CSGALNACT1: variants seen among roughly 807,000 people sequenced by gnomAD.
CSGALNACT1 encodes the protein chondroitin sulfate N-acetylgalactosaminyltransferase 1, also known as beta4GalNAcT-1.
CSGALNACT1 carries 52 observed loss-of-function variants against 51.0 expected under a neutral mutation model. That is an observed-to-expected ratio of 1.02 (90% CI 0.82 to 1.29). CSGALNACT1 has a LOEUF of 1.29. Among genes scored for constraint, CSGALNACT1 ranks in the 50% most tolerant of loss-of-function variants. The pLI is 0.00. For synonymous variants in CSGALNACT1, 341 were observed against 254.4 expected (o/e 1.34, Z -3.24); for missense variants, 935 against 679.2 (o/e 1.38, Z -4.19).
intron 3 of CSGALNACT1, among the ~76,000 whole-genome samples, chr8:19,508,736 T>C (rs2077850992): frequency 6.6e-6 from 1 of 152,250 alleles, no homozygotes; most frequent in African/African-American, 2.4e-5. Context: ...CATTTTGTTG[T>C]GTTGTGGAAA....
At chr8:19,444,846 G>A (rs890551825) in intron 5 of CSGALNACT1, among the ~76,000 whole-genome samples, 8 of 152,192 alleles carry the variant, frequency 5.3e-5, no homozygotes, top group African/African-American at 1.9e-4. Context: ...AGCAAATGCT[G>A]TGGGGTGGAA....
intron 4 of CSGALNACT1, among the ~76,000 whole-genome samples, chr8:19,504,129 T>C (rs755670556): frequency 6.6e-5 from 10 of 152,168 alleles, no homozygotes; most frequent in Non-Finnish European, 1.3e-4. Flanking sequence ...CAGGCTGGAG[T>C]GCAGTGGTGT....
exon 10 of CSGALNACT1, chr8:19,404,490 C>A (rs908132467): frequency 4.4e-6 from 2 of 453,476 alleles, no homozygotes; most frequent in Non-Finnish European, 4.4e-6. Context: ...TCTTGGTGAT[C>A]GAGTAGAACT....
chr8:19,692,344 A>G lies in CSGALNACT1; in HGVS notation c.-297+65506T>C, dbSNP rs191360488. On this transcript the variant is annotated intron_variant, in intron 1 of 1. Transcript: ENST00000517494. Reference sequence around the variant, plus strand: ...CCTTCAGGTGCTTCTAATTCACACTAAAGTTGGAGAACCACTGAGCTACTG... The same window carrying G: ...CCTTCAGGTGCTTCTAATTCACACTGAAGTTGGAGAACCACTGAGCTACTG... Among the ~76,000 whole-genome samples the G allele has an allele frequency of 5.2e-3, 787 of 152,300 alleles. 9 individuals are homozygous for G. The highest frequency in any genetic ancestry group is 0.018 in the African/African-American group (745 of 41,548).
intron 3 of CSGALNACT1, among the ~76,000 whole-genome samples, chr8:19,563,744 C>T (rs2041306478): frequency 6.6e-6 from 1 of 152,168 alleles, no homozygotes; most frequent in African/African-American, 2.4e-5. Context: ...GATCCAGCCT[C>T]CTAACACAAG....
In CSGALNACT1 at chr8:19,461,827, A is replaced by G. The variant is rs573965751; in HGVS notation, c.635-3185T>C. Reference sequence around the variant, plus strand: ...TATCCCCACAGCAGCCACATTAGCCATGGAGGGTGTATCTGCACAGCAGCC... The same window carrying G: ...TATCCCCACAGCAGCCACATTAGCCGTGGAGGGTGTATCTGCACAGCAGCC... On this transcript the variant is annotated intron_variant, in intron 4 of 9. Coordinates refer to ENST00000454498, the Ensembl canonical transcript of CSGALNACT1. Among the ~76,000 whole-genome samples the G allele has an allele frequency of 1.7e-4, 10 of 57,284 alleles. 2 individuals carry two copies. Among genetic ancestry groups the G allele is most frequent in the Non-Finnish European group, 2.3e-4 (5 of 22,216 alleles). 37.6% of individuals were successfully genotyped at this position (57,284 alleles called of 152,430 possible).
At chr8:19,517,140 G>A (rs991667683) in intron 3 of CSGALNACT1, among the ~76,000 whole-genome samples, 3 of 152,116 alleles carry the variant, frequency 2.0e-5, no homozygotes, top group African/African-American at 7.2e-5. Flanking sequence ...AATGTTCTTT[G>A]AAAGAAGAAA....
chr8:19,438,117 T>C (rs139211648), intron 6 of CSGALNACT1, among the ~76,000 whole-genome samples: 20 of 145,276 alleles, frequency 1.4e-4, no homozygotes, highest in Non-Finnish European at 2.4e-4. Context: ...GCCATACCCA[T>C]AGGAAGGAGG....
intron 5 of CSGALNACT1, among the ~76,000 whole-genome samples, chr8:19,447,018 T>G (rs1210932971): frequency 6.6e-6 from 1 of 152,172 alleles, no homozygotes; most frequent in Non-Finnish European, 1.5e-5. Context: ...ACACCTATAT[T>G]TCTGTTTCCC....
intron 4 of CSGALNACT1, among the ~76,000 whole-genome samples, chr8:19,489,118 G>C (rs1418552455): frequency 6.6e-6 from 1 of 152,162 alleles, no homozygotes; most frequent in African/African-American, 2.4e-5. Context: ...AGCATAGTGT[G>C]AGTCCCTAGT....
chr8:19,407,905 T>TTGTGTGTGTGTGTGTGTGTG (rs60746708), intron 9 of CSGALNACT1, among the ~76,000 whole-genome samples: 2 of 112,722 alleles, frequency 1.8e-5, no homozygotes, highest in African/African-American at 6.3e-5. Flanking sequence ...TGTATATGAA[T>TTGTGTGTGTGTGTGTGTGTG]TGTGTGTGTG....
chr8:19,556,869 C>A (rs115996560), intron 3 of CSGALNACT1, among the ~76,000 whole-genome samples: 1,602 of 151,636 alleles, frequency 0.011, 22 homozygotes, highest in African/African-American at 0.035. Context: ...AAATTGAACC[C>A]GGTGTAGACA....
intron 3 of CSGALNACT1, among the ~76,000 whole-genome samples, chr8:19,563,464 C>G (rs2041236526): frequency 6.6e-6 from 1 of 152,188 alleles, no homozygotes; most frequent in South Asian, 2.1e-4. Flanking sequence ...TTATTTTCAG[C>G]AGAGACAACT....
intron 1 of CSGALNACT1, among the ~76,000 whole-genome samples, chr8:19,677,886 A>G (rs759182940): frequency 2.0e-5 from 3 of 152,188 alleles, no homozygotes; most frequent in South Asian, 2.1e-4. Context: ...AATTGTCTGA[A>G]AAACAATTAG....
chr8:19,677,322 G>A (rs532499909), intron 1 of CSGALNACT1, among the ~76,000 whole-genome samples: 1 of 152,134 alleles, frequency 6.6e-6, no homozygotes, highest in Admixed American at 6.5e-5. Context: ...TGTTGGCTAG[G>A]CTGGTCTTGA....
chr8:19,555,275 G>T (rs1338475998), intron 3 of CSGALNACT1, among the ~76,000 whole-genome samples: 3 of 151,930 alleles, frequency 2.0e-5, no homozygotes, highest in Non-Finnish European at 2.9e-5. Flanking sequence ...AGAAAAAGAA[G>T]GGTCAGTTAT....
At chr8:19,539,801 T>TC (rs1477727451) in intron 3 of CSGALNACT1, among the ~76,000 whole-genome samples, 3 of 152,082 alleles carry the variant, frequency 2.0e-5, no homozygotes, top group Admixed American at 6.5e-5. Flanking sequence ...GCGATGCCCC[T>TC]CCTACACCCC....
chr8:19,542,488 T>C (rs773864144), intron 3 of CSGALNACT1, among the ~76,000 whole-genome samples: 8 of 152,154 alleles, frequency 5.3e-5, no homozygotes, highest in Non-Finnish European at 1.0e-4. Flanking sequence ...TCTATTTTTC[T>C]CCTTTCCTGC....
chr8:19,689,228 T>C (rs1028013794), intron 1 of CSGALNACT1, among the ~76,000 whole-genome samples: 4 of 152,206 alleles, frequency 2.6e-5, no homozygotes, highest in Non-Finnish European at 5.9e-5. Context: ...CTGGTTCTCC[T>C]GGAACAATCA....
Sources: gnomAD v4.1 joint callset for allele counts (sites outside exome capture counted in the v4.1 genomes callset) on GRCh38, gnomAD v4.1.1 for gene constraint, MANE v1.5 for transcripts, NCBI Gene and HGNC (gene_info 2026-07-23, HGNC 2026-07-21) for gene names.